The following CTNND2 variants were observed in gnomAD, a reference collection of about 807,000 sequenced individuals.
CTNND2 encodes catenin delta 2.
Under a neutral mutation model 144.4 loss-of-function variants are expected in CTNND2, and 22 were observed. That is an observed-to-expected ratio of 0.15 (90% CI 0.11 to 0.22). The LOEUF (loss-of-function observed/expected upper bound fraction) is 0.22, where lower values mean the gene tolerates loss of function less well. Ranked by LOEUF, CTNND2 falls within the 10% of genes least tolerant of loss-of-function variation. CTNND2 has a pLI of 1.00. For synonymous variants in CTNND2, 751 were observed against 695.6 expected, an observed-to-expected ratio of 1.08 and a Z score of -1.25; for missense variants, 1,353 against 1,618.8, an observed-to-expected ratio of 0.84 and a Z score of 2.82.
At chr5:10,976,495 C>T (rs187184763) in intron 21 of CTNND2, among the ~76,000 whole-genome samples, 104 of 152,310 alleles carry the variant, frequency 6.8e-4, no homozygotes, top group South Asian at 2.1e-3. Context: ...CCCAGGAATA[C>T]GCAAGCCCGA....
chr5:10,994,764 G>T (rs1437173623), intron 18 of CTNND2, among the ~76,000 whole-genome samples: 1 of 152,146 alleles, frequency 6.6e-6, no homozygotes, highest in African/African-American at 2.4e-5. Context: ...TGGGTGTCCA[G>T]GACAGTTTGG....
intron 2 of CTNND2, among the ~76,000 whole-genome samples, chr5:11,710,728 G>A (rs77110748): frequency 0.014 from 2,146 of 152,196 alleles, 23 homozygotes; most frequent in East Asian, 0.057. Context: ...AAATGCCTCA[G>A]CCTGCTGCCT....
intron 18 of CTNND2, among the ~76,000 whole-genome samples, chr5:11,007,756 G>A (rs187404619): frequency 3.9e-5 from 6 of 152,328 alleles, no homozygotes; most frequent in Non-Finnish European, 7.3e-5. Context: ...CAAGAATGTG[G>A]CTTTTATAAA....
At chr5:11,602,229 G>A (rs939550289) in intron 2 of CTNND2, among the ~76,000 whole-genome samples, 7 of 151,340 alleles carry the variant, frequency 4.6e-5, no homozygotes, top group South Asian at 4.2e-4. Context: ...TAGCATCATC[G>A]CTTCAATATC....
chr5:11,579,413 G>A (rs1372838222), intron 2 of CTNND2, among the ~76,000 whole-genome samples: 1 of 152,132 alleles, frequency 6.6e-6, no homozygotes, highest in Non-Finnish European at 1.5e-5. Flanking sequence ...TATCAAGTTT[G>A]CAGGCTTATT....
intron 11 of CTNND2, among the ~76,000 whole-genome samples, chr5:11,182,226 T>G (rs1241075717): frequency 2.0e-5 from 3 of 149,784 alleles, no homozygotes; most frequent in Non-Finnish European, 4.5e-5. Flanking sequence ...AGTGTGTGTG[T>G]GGTATATGTG....
chr5:11,239,223 C>A (rs1348415750), intron 9 of CTNND2, among the ~76,000 whole-genome samples: 2 of 152,260 alleles, frequency 1.3e-5, no homozygotes, highest in African/African-American at 2.4e-5. Flanking sequence ...ACCTTTTGAA[C>A]AAGAACCCTA....
intron 3 of CTNND2, among the ~76,000 whole-genome samples, chr5:11,521,349 A>C (rs930156308): frequency 1.3e-5 from 2 of 152,218 alleles, no homozygotes; most frequent in African/African-American, 4.8e-5. Flanking sequence ...CAAATTATTT[A>C]ATCTATTTTA....
At chr5:11,175,629 T>G (rs80039076) in intron 11 of CTNND2, among the ~76,000 whole-genome samples, 3 of 53,222 alleles carry the variant, frequency 5.6e-5, no homozygotes, top group Non-Finnish European at 1.1e-4. Context: ...TTCTTTCTTT[T>G]TTTATTTATT....
At chr5:11,124,751 G>A (rs1754500452) in intron 12 of CTNND2, among the ~76,000 whole-genome samples, 1 of 152,158 alleles carries the variant, frequency 6.6e-6, no homozygotes, top group African/African-American at 2.4e-5. Context: ...ATTCAGGAGG[G>A]TGTCTGTGAA....
chr5:11,065,201 A>G (rs1485216707), intron 16 of CTNND2, among the ~76,000 whole-genome samples: 2 of 152,228 alleles, frequency 1.3e-5, no homozygotes, highest in African/African-American at 4.8e-5. Context: ...AACCTGATTC[A>G]GTCACCTGGG....
chr5:11,805,445 G>A (rs541759548), intron 1 of CTNND2, among the ~76,000 whole-genome samples: 1 of 152,114 alleles, frequency 6.6e-6, no homozygotes, highest in South Asian at 2.1e-4. Flanking sequence ...GGAAGAAATG[G>A]CTGATCCTAA....
intron 11 of CTNND2, among the ~76,000 whole-genome samples, chr5:11,193,529 G>A (rs936219611): frequency 6.6e-6 from 1 of 152,110 alleles, no homozygotes; most frequent in African/African-American, 2.4e-5. Context: ...AAATAAAACT[G>A]GACTTAATTT....
chr5:11,697,279 A>G (rs1436131341), intron 2 of CTNND2, among the ~76,000 whole-genome samples: 1 of 152,098 alleles, frequency 6.6e-6, no homozygotes, highest in Non-Finnish European at 1.5e-5. Flanking sequence ...TTGCCCCCCA[A>G]AAATTTGGAC....
intron 3 of CTNND2, among the ~76,000 whole-genome samples, chr5:11,562,225 G>C (rs749288931): frequency 3.3e-5 from 5 of 152,000 alleles, no homozygotes; most frequent in Non-Finnish European, 7.4e-5. Flanking sequence ...TTACTCACTC[G>C]CTAGTATCAT....
At chr5:11,397,399 T>A (rs1313326253) in intron 5 of CTNND2, among the ~76,000 whole-genome samples, 196 bp from the exon 6 acceptor site, 4 of 152,116 alleles carry the variant, frequency 2.6e-5, no homozygotes, top group African/African-American at 9.7e-5. Context: ...TTATTTTTTT[T>A]TTGGTGGTGG....
intron 1 of CTNND2, among the ~76,000 whole-genome samples, chr5:11,818,698 A>G (rs1326544996): frequency 6.6e-6 from 1 of 152,124 alleles, no homozygotes; most frequent in Non-Finnish European, 1.5e-5. Flanking sequence ...GATATGCCCT[A>G]TTGTATCCAA....
intron 2 of CTNND2, among the ~76,000 whole-genome samples, chr5:11,637,969 T>C: frequency 6.6e-6 from 1 of 152,186 alleles, no homozygotes; most frequent in East Asian, 1.9e-4. Flanking sequence ...TAAAATCTAA[T>C]GTAAAGAACC....
intron 11 of CTNND2, among the ~76,000 whole-genome samples, chr5:11,161,250 A>G (rs1758744351): frequency 6.6e-6 from 1 of 152,220 alleles, no homozygotes; most frequent in African/African-American, 2.4e-5. Context: ...CCCACAAACC[A>G]TAAACAATTT....
Sources: allele counts gnomAD v4.1 joint callset (sites outside exome capture counted in the v4.1 genomes callset), GRCh38; gene constraint gnomAD v4.1.1; transcripts MANE v1.5; gene names NCBI Gene and HGNC (gene_info 2026-07-23, HGNC 2026-07-21).